FAIM: variants seen among roughly 807,000 people sequenced by gnomAD.
FAIM encodes Fas apoptotic inhibitory molecule.
A neutral mutation model predicts 21.2 loss-of-function variants in FAIM; 14 were observed. That is an observed-to-expected ratio of 0.66 (90% CI 0.44 to 1.03). FAIM has a LOEUF of 1.03. Among genes scored for constraint, FAIM ranks in the 50% least tolerant of loss-of-function variants. The probability of loss-of-function intolerance (pLI) is 0.00; values close to 1 mark genes in which losing one functional copy is unlikely to be tolerated. For missense variants in FAIM, 222 were observed against 247.1 expected (o/e 0.90, Z 0.68); for synonymous variants, 86 against 80.4 (o/e 1.07, Z -0.37).
At chr3:138,632,789 C>A in intron 5 of FAIM, 141 bp from the exon 6 acceptor site, 3 of 756,620 alleles carry the variant, frequency 4.0e-6, no homozygotes, top group South Asian at 3.1e-5. Flanking sequence ...TAAGTACAAG[C>A]TTTAGACTTT....
chr3:138,616,039 A>G (rs1230651244), intron 1 of FAIM, among the ~76,000 whole-genome samples: 2 of 152,204 alleles, frequency 1.3e-5, no homozygotes, highest in Non-Finnish European at 2.9e-5. Flanking sequence ...GGCACCCTCT[A>G]CAGCTTTGTT....
At chr3:138,624,163 A>G (rs2042916144) in intron 4 of FAIM, among the ~76,000 whole-genome samples, 1 of 152,198 alleles carries the variant, frequency 6.6e-6, no homozygotes, top group African/African-American at 2.4e-5. Context: ...CTCATTAATA[A>G]TGGAAATTTT....
At chr3:138,617,372 A>G (rs2042835467) in intron 1 of FAIM, among the ~76,000 whole-genome samples, 1 of 145,142 alleles carries the variant, frequency 6.9e-6, no homozygotes, top group African/African-American at 2.6e-5. Flanking sequence ...TATTTTTTAT[A>G]TTATATGTAT....
chr3:138,609,533 A>ACACTCTCTCTCTCTCTCT (rs1285258999), intron 1 of FAIM, among the ~76,000 whole-genome samples: 5 of 3,368 alleles, frequency 1.5e-3, no homozygotes, highest in African/African-American at 1.9e-3. Context: ...AAGTGCTGAA[A>ACACTCTCTCTCTCTCTCT]CTCTCTCTCT....
intron 5 of FAIM, chr3:138,629,370 C>A (rs2042977838): frequency 2.2e-6 from 1 of 464,098 alleles, no homozygotes; most frequent in Non-Finnish European, 3.8e-6. Flanking sequence ...TCTTAGCTGG[C>A]ACTAGCTTCA....
At chr3:138,612,714 G>A (rs1454101000) in intron 1 of FAIM, among the ~76,000 whole-genome samples, 4 of 152,110 alleles carry the variant, frequency 2.6e-5, no homozygotes, top group African/African-American at 9.7e-5. Context: ...GAATTGCTAG[G>A]TCATATAGTA....
In FAIM at chr3:138,631,778, T is replaced by C. The variant is rs1198241760; in HGVS notation, c.457-1152T>C. ...AACCCTTGCCCTTTCTTCCGAAGTC[T>C]TTTTTCAAGGCTCAATATTAAAAAT... On this transcript the variant is annotated intron_variant, in intron 5 of 5. Coordinates refer to ENST00000360570, the MANE Select transcript of FAIM (RefSeq NM_001033031.2). Among the ~76,000 whole-genome samples, 20 of 152,192 alleles carry C rather than the reference T, an allele frequency of 1.3e-4. 1 individual carries two copies. The highest frequency in any genetic ancestry group is 1.3e-3 in the Admixed American group (20 of 15,274).
chr3:138,621,517 G>GAGT lies in FAIM; in HGVS notation c.160_162dup (p.Val54dup). The GAGT allele has an allele frequency of 6.2e-7, 1 of 1,613,804 alleles. No individual in the cohort carries two copies. Among genetic ancestry groups the GAGT allele is most frequent in the Non-Finnish European group, 8.5e-7 (1 of 1,179,862 alleles). ...GAACATGGGACTACATCAGGCAAACGAGTAGTATATGTAGATGGAAAGGTA... is the reference window on the plus strand; with the variant it reads ...GAACATGGGACTACATCAGGCAAACGAGTAGTAGTATATGTAGATGGAAAGGTA... On this transcript the variant is annotated inframe_insertion, in exon 3 of 6. Coordinates refer to ENST00000360570, the MANE Select transcript of FAIM (RefSeq NM_001033031.2).
intron 5 of FAIM, among the ~76,000 whole-genome samples, chr3:138,631,683 T>G (rs2043006779): frequency 6.6e-6 from 1 of 152,160 alleles, no homozygotes; most frequent in Non-Finnish European, 1.5e-5. Context: ...CCTTTTTATC[T>G]CAAAGCATCG....
intron 4 of FAIM, among the ~76,000 whole-genome samples, chr3:138,626,524 C>A (rs1423732150): frequency 6.6e-6 from 1 of 152,144 alleles, no homozygotes; most frequent in African/African-American, 2.4e-5. Context: ...ACCTAAAGAA[C>A]TTTTTCATAT....
chr3:138,610,894 A>T, intron 1 of FAIM: 2 of 1,474,986 alleles, frequency 1.4e-6, no homozygotes, highest in Non-Finnish European at 1.9e-6. Flanking sequence ...ACTTTCTCCA[A>T]AGTTTTAAAC....
At chr3:138,616,545 T>A (rs975788418) in intron 1 of FAIM, among the ~76,000 whole-genome samples, 1 of 152,126 alleles carries the variant, frequency 6.6e-6, no homozygotes, top group Admixed American at 6.5e-5. Flanking sequence ...CAGCTAATTT[T>A]TTTTGGTGTT....
In FAIM at chr3:138,626,135, G is replaced by A. The variant is rs961709360; in HGVS notation, c.407-2972G>A. 1.2e-4 allele frequency among the ~76,000 whole-genome samples: 18 copies of A among 152,250 alleles called. No individual in the cohort carries two copies. In the East Asian group the frequency reaches 3.1e-3, roughly 26 times the overall value. On this transcript the variant is annotated intron_variant, in intron 4 of 5. Coordinates refer to ENST00000360570, the MANE Select transcript of FAIM (RefSeq NM_001033031.2). ...GGAAGTCCCTAGCTATTGTTCATGCGGCTGAGGGAATCCGCAGGCAAAGAG... is the reference window on the plus strand; with the variant it reads ...GGAAGTCCCTAGCTATTGTTCATGCAGCTGAGGGAATCCGCAGGCAAAGAG...
rs2042759411 is a variant in FAIM, at chr3:138,610,825, C to A, written c.-17+1888C>A. The A allele has an allele frequency of 5.6e-6, 4 of 708,186 alleles. No individual in the cohort carries two copies. The South Asian group carries it at 6.9e-5, about 12-fold the overall frequency. 43.9% of individuals were successfully genotyped at this position (708,186 alleles called of 1,614,324 possible). A position where few individuals can be genotyped will look rare whatever the true frequency, so the allele number is the denominator to read the frequency against. On this transcript the variant is annotated intron_variant, in intron 1 of 5. Transcript: ENST00000360570. The stretch of plus-strand genomic sequence containing the variant: ...CTTGAACTATTGACCTCAAGTGATC[C>A]GACCGCCTTGACCTCCCAAAGTGCT...
intron 1 of FAIM, among the ~76,000 whole-genome samples, chr3:138,612,263 G>T (rs1429799889): frequency 3.3e-5 from 5 of 152,030 alleles, no homozygotes; most frequent in Non-Finnish European, 7.4e-5. Context: ...ACCACGCCTG[G>T]CTAATTTTTT....
chr3:138,611,399 T>C (rs1030056202), intron 1 of FAIM, among the ~76,000 whole-genome samples: 2 of 152,114 alleles, frequency 1.3e-5, no homozygotes, highest in East Asian at 1.9e-4. Context: ...ATATACAACA[T>C]AGATTTGCCA....
chr3:138,628,968 A>G (rs1269409729), intron 4 of FAIM, 139 bp from the exon 5 acceptor site: 1 of 563,164 alleles, frequency 1.8e-6, no homozygotes, highest in Non-Finnish European at 3.0e-6. Context: ...AAGCCATGAA[A>G]AAGTGTTGGG....
intron 2 of FAIM, chr3:138,621,126 C>T (rs2042880127): frequency 2.9e-6 from 1 of 342,536 alleles, no homozygotes; most frequent in Non-Finnish European, 5.3e-6. Flanking sequence ...AGAATACTGA[C>T]CAGGATAAAC....
intron 3 of FAIM, among the ~76,000 whole-genome samples, chr3:138,621,886 T>A (rs1673612): frequency 6.6e-6 from 1 of 151,934 alleles, no homozygotes; most frequent in Non-Finnish European, 1.5e-5. Context: ...GTGTTTAAGC[T>A]ATTCTCCTGC....
Sources: gnomAD v4.1 joint callset for allele counts (sites outside exome capture counted in the v4.1 genomes callset) on GRCh38, gnomAD v4.1.1 for gene constraint, MANE v1.5 for transcripts, NCBI Gene and HGNC (gene_info 2026-07-23, HGNC 2026-07-21) for gene names.